KLHL7: variants seen among roughly 807,000 people sequenced by gnomAD.
KLHL7 encodes the protein kelch-like protein 7.
In KLHL7, 44 loss-of-function variants were observed where a neutral mutation model predicts 67.4. The observed-to-expected ratio is 0.65, with a 90% CI of 0.51 to 0.84. The LOEUF is 0.84. Among genes scored for constraint, KLHL7 ranks in the 40% least tolerant of loss-of-function variants. The probability of loss-of-function intolerance (pLI) is 0.00; values close to 1 mark genes in which losing one functional copy is unlikely to be tolerated. For missense variants in KLHL7, 362 were observed against 718.1 expected (o/e 0.50, Z 5.67); for synonymous variants, 252 against 243.3 (o/e 1.04, Z -0.33).
intron 6 of KLHL7, 119 bp from the exon 7 acceptor site, chr7:23,151,948 T>G: frequency 1.1e-6 from 1 of 923,566 alleles, no homozygotes; most frequent in Non-Finnish European, 1.7e-6. Context: ...TCAAATGCTA[T>G]AGAGATATCA....
At chr7:23,113,275 T>C (rs1412590701) in intron 1 of KLHL7, among the ~76,000 whole-genome samples, 3 of 152,218 alleles carry the variant, frequency 2.0e-5, no homozygotes, top group Non-Finnish European at 4.4e-5. Context: ...GACATTGTTA[T>C]GAACTTACGT....
intron 1 of KLHL7, among the ~76,000 whole-genome samples, chr7:23,116,562 T>C (rs907709147): frequency 6.6e-6 from 1 of 152,256 alleles, no homozygotes; most frequent in African/African-American, 2.4e-5. Context: ...TAGATTAGAA[T>C]ACCTTTCTTT....
intron 4 of KLHL7, chr7:23,126,087 T>C: frequency 1.7e-6 from 1 of 577,934 alleles, no homozygotes; most frequent in Non-Finnish European, 3.1e-6. Context: ...GGGGCCATTA[T>C]TAAGTAAAAT....
chr7:23,117,120 C>G (rs929746037), intron 1 of KLHL7, among the ~76,000 whole-genome samples: 15 of 113,152 alleles, frequency 1.3e-4, no homozygotes, highest in African/African-American at 5.2e-4. Flanking sequence ...TCAAGTCTCG[C>G]TCTGTCACCC....
chr7:23,123,756 A>G, intron 1 of KLHL7, 21 bp from the exon 2 acceptor site: 2 of 1,543,994 alleles, frequency 1.3e-6, no homozygotes, highest in Middle Eastern at 3.5e-4. Flanking sequence ...TTTTTATTTT[A>G]TGTATTTTTC....
intron 4 of KLHL7, among the ~76,000 whole-genome samples, chr7:23,138,668 G>A (rs1784072393): frequency 6.6e-6 from 1 of 151,710 alleles, no homozygotes; most frequent in South Asian, 2.1e-4. Context: ...CTCCTGAGTA[G>A]CTGGGATTAT....
At chr7:23,117,738 CATTT>C in intron 1 of KLHL7, 1 of 1,125,464 alleles carries the variant, frequency 8.9e-7, no homozygotes, top group South Asian at 1.6e-5. Context: ...TTAGCCTTTG[CATTT>C]ATTATTGCTT....
intron 1 of KLHL7, among the ~76,000 whole-genome samples, chr7:23,122,364 CCTT>C (rs1470082220): frequency 1.3e-5 from 2 of 152,066 alleles, no homozygotes; most frequent in Admixed American, 1.3e-4. Context: ...TTCTCCCTCT[CCTT>C]CTCTCCCTCC....
In KLHL7 at chr7:23,177,452, T is replaced by C. The variant is rs1478531934; in HGVS notation, c.*3154T>C. The C allele has an allele frequency of 1.3e-5, 2 of 152,208 alleles. No individual in the cohort carries two copies. The highest frequency in any genetic ancestry group is 2.9e-5 in the Non-Finnish European group (2 of 68,030). 9.4% of individuals were successfully genotyped at this position (152,208 alleles called of 1,614,324 possible). On this transcript the variant is annotated 3_prime_UTR_variant, in exon 11 of 11. Coordinates refer to ENST00000339077, the MANE Select transcript of KLHL7 (RefSeq NM_001031710.3). ...GTGGATTATAATGAAGTGGTTTTTTTCCTTAGTAATCTGTATCATAATTCC... is the reference window on the plus strand; with the variant it reads ...GTGGATTATAATGAAGTGGTTTTTTCCCTTAGTAATCTGTATCATAATTCC...
Position 23,141,825 on chromosome 7 carries a change from G to A in KLHL7, c.618+881G>A, listed in dbSNP as rs549984260. 3.4e-4 allele frequency among the ~76,000 whole-genome samples: 52 copies of A among 152,122 alleles called. 1 individual carries two copies. In the South Asian group the frequency reaches 5.0e-3, roughly 15 times the overall value. ...TTTTTAGTAGAGACGGGGTTTCACC[G>A]TGTTAGCCAGGATGGTCTAGATCTC... On this transcript the variant is annotated intron_variant, in intron 5 of 10. Coordinates refer to ENST00000339077, the MANE Select transcript of KLHL7 (RefSeq NM_001031710.3).
chr7:23,126,018 CAAT>C (rs772609118), intron 4 of KLHL7: 11 of 706,892 alleles, frequency 1.6e-5, no homozygotes, highest in African/African-American at 3.5e-5. Flanking sequence ...AGATTAACAA[CAAT>C]AATAATAAAA....
At chr7:23,154,978 AC>A (rs1271831251) in intron 7 of KLHL7, among the ~76,000 whole-genome samples, 2 of 152,098 alleles carry the variant, frequency 1.3e-5, no homozygotes, top group South Asian at 4.2e-4. Context: ...TTAACACCAT[AC>A]CCATAGAGCA....
chr7:23,175,572 A>C lies in KLHL7; in HGVS notation c.*1274A>C, dbSNP rs1785278591. ...TTTAAATCAAAAAGGAATTAGGAAA[A>C]ACATAATGATAGGTATATTTCTATT... On this transcript the variant is annotated 3_prime_UTR_variant, in exon 11 of 11. Coordinates refer to ENST00000339077, the MANE Select transcript of KLHL7 (RefSeq NM_001031710.3). 6.1e-6 allele frequency: 2 copies of C among 325,778 alleles called. No homozygotes were observed. The highest frequency in any genetic ancestry group is 9.0e-5 in the Admixed American group (2 of 22,262). 20.2% of individuals were successfully genotyped at this position (325,778 alleles called of 1,614,324 possible).
At chr7:23,148,160 G>A (rs6461694) in intron 6 of KLHL7, among the ~76,000 whole-genome samples, 55,058 of 151,990 alleles carry the variant, frequency 0.36, 10,334 homozygotes, top group African/African-American at 0.45. Context: ...AGATTGGAAA[G>A]AAATATATCC....
intron 6 of KLHL7, among the ~76,000 whole-genome samples, chr7:23,149,138 A>G (rs1162748882): frequency 6.6e-6 from 1 of 152,242 alleles, no homozygotes; most frequent in Non-Finnish European, 1.5e-5. Context: ...AATGAAGTGC[A>G]CAGCCAAAGC....
intron 1 of KLHL7, among the ~76,000 whole-genome samples, chr7:23,109,019 T>C (rs1782758199): frequency 1.3e-5 from 2 of 152,256 alleles, no homozygotes; most frequent in Admixed American, 1.3e-4. Context: ...CCTTTTGGTA[T>C]GCATATGTAT....
intron 4 of KLHL7, among the ~76,000 whole-genome samples, chr7:23,137,351 AAAGC>A (rs1299934511): frequency 6.6e-6 from 1 of 152,190 alleles, no homozygotes; most frequent in African/African-American, 2.4e-5. Context: ...TGGAAAAACT[AAAGC>A]TAAGTATTTC....
chr7:23,115,421 C>CTA (rs1299389020), intron 1 of KLHL7, among the ~76,000 whole-genome samples: 4 of 152,172 alleles, frequency 2.6e-5, no homozygotes, highest in Non-Finnish European at 5.9e-5. Flanking sequence ...TCTATAGACT[C>CTA]TAGGGCTAAA....
intron 3 of KLHL7, 65 bp downstream of exon 3, chr7:23,124,846 CG>C: frequency 1.6e-6 from 2 of 1,218,790 alleles, no homozygotes; most frequent in Non-Finnish European, 2.4e-6. Context: ...AAAGCATTGT[CG>C]TAACAAATAG....
Sources: allele counts gnomAD v4.1 joint callset (sites outside exome capture counted in the v4.1 genomes callset), GRCh38; gene constraint gnomAD v4.1.1; transcripts MANE v1.5; gene names NCBI Gene and HGNC (gene_info 2026-07-23, HGNC 2026-07-21).